Variants in ZZEF1 observed in about 807,000 individuals in gnomAD.
ZZEF1 encodes zinc finger ZZ-type and EF-hand domain containing 1, also known as zinc finger ZZ-type and EF-hand domain-containing protein 1.
A neutral mutation model predicts 342.8 loss-of-function variants in ZZEF1; 157 were observed. The ratio of observed to expected loss-of-function variants is 0.46; its 90% CI spans 0.40 to 0.52. The LOEUF is 0.52. Ranked by LOEUF, ZZEF1 falls within the 20% of genes least tolerant of loss-of-function variation. The pLI is 0.00. For missense variants in ZZEF1, 3,480 were observed against 3,725.6 expected, an observed-to-expected ratio of 0.93 and a Z score of 1.72; for synonymous variants, 1,505 against 1,429.1, an observed-to-expected ratio of 1.05 and a Z score of -1.20.
chr17:4,107,625 G>T (rs1375271839), intron 6 of ZZEF1, among the ~76,000 whole-genome samples: 1 of 152,236 alleles, frequency 6.6e-6, no homozygotes, highest in Non-Finnish European at 1.5e-5. Flanking sequence ...AATGGGATAG[G>T]GAGGGTGTCC....
Position 4,070,852 on chromosome 17 carries a change from A to T in ZZEF1, c.3907T>A (p.Phe1303Ile). The T allele has an allele frequency of 6.2e-7, 1 of 1,614,202 alleles. No individual in the cohort carries two copies. Among genetic ancestry groups the T allele is most frequent in the Non-Finnish European group, 8.5e-7 (1 of 1,180,042 alleles). Residue 1303 changes from phenylalanine to isoleucine, a missense_variant, in exon 26 of 55, where the codon TTC becomes ATC. By Grantham distance (21) the Phe-to-Ile change is conservative (BLOSUM62 0). Coordinates refer to ENST00000381638, the MANE Select transcript of ZZEF1 (RefSeq NM_015113.4). ...AAAAGTTCTGAATATGGCCCACAGAAGTTCTGAGCAGGCTCTGACTGGGCA... is the reference window on the plus strand; with the variant it reads ...AAAAGTTCTGAATATGGCCCACAGATGTTCTGAGCAGGCTCTGACTGGGCA... ...DFAQSEPAQN[F>I]CGPYSELFKG...
At chr17:4,073,054 A>G (rs1397223171) in intron 24 of ZZEF1, among the ~76,000 whole-genome samples, 1 of 152,266 alleles carries the variant, frequency 6.6e-6, no homozygotes, top group Non-Finnish European at 1.5e-5. Flanking sequence ...TCTGGCATAT[A>G]ACACGAGGCC....
intron 13 of ZZEF1, 146 bp downstream of exon 13, chr17:4,088,532 C>T (rs2057883102): frequency 1.2e-6 from 1 of 869,338 alleles, no homozygotes; most frequent in Admixed American, 2.5e-5. Flanking sequence ...GCTCACTTTC[C>T]TCAGCTTTTC....
At chr17:4,063,474 C>T (rs1433366430) in intron 29 of ZZEF1, among the ~76,000 whole-genome samples, 1 of 152,084 alleles carries the variant, frequency 6.6e-6, no homozygotes, top group African/African-American at 2.4e-5. Flanking sequence ...GTGGCAGCTA[C>T]CCAAAAAATG....
At chr17:4,136,436 T>C (rs968104336) in intron 1 of ZZEF1, among the ~76,000 whole-genome samples, 11 of 151,992 alleles carry the variant, frequency 7.2e-5, no homozygotes, top group African/African-American at 1.9e-4. Context: ...ACAACACTTA[T>C]TGAGCACTGA....
In ZZEF1 at chr17:4,116,175, C is replaced by T. The variant is rs145638563; in HGVS notation, c.694+797G>A. On this transcript the variant is annotated intron_variant, in intron 3 of 54. Coordinates refer to ENST00000381638, the MANE Select transcript of ZZEF1 (RefSeq NM_015113.4). ...CTCTACTAAAAATACAGAAATTAGC[C>T]GGGCGTGGTGGCACATGCCTGTAAT... 4.3e-3 allele frequency among the ~76,000 whole-genome samples: 647 copies of T among 152,170 alleles called. 8 individuals are homozygous for T. Among genetic ancestry groups the T allele is most frequent in the African/African-American group, 0.015 (605 of 41,508 alleles).
At chr17:4,011,173 G>A (rs866596480) in intron 52 of ZZEF1, among the ~76,000 whole-genome samples, 5 of 152,106 alleles carry the variant, frequency 3.3e-5, no homozygotes, top group Admixed American at 6.5e-5. Flanking sequence ...AGGCTAAGGT[G>A]GGGGGATTGC....
chr17:4,010,683 T>A (rs1243335956), intron 52 of ZZEF1, among the ~76,000 whole-genome samples: 13 of 118,626 alleles, frequency 1.1e-4, no homozygotes, highest in African/African-American at 4.0e-4. Context: ...TGAGATCACA[T>A]CACTGCACTT....
chr17:4,103,291 C>A (rs1222451292), intron 8 of ZZEF1, among the ~76,000 whole-genome samples: 1 of 151,966 alleles, frequency 6.6e-6, no homozygotes. Context: ...CCTGTAAATT[C>A]CAGCACTTTG....
chr17:4,013,329 G>C (rs1266738103), intron 52 of ZZEF1, 120 bp downstream of exon 52: 1 of 1,002,286 alleles, frequency 1.0e-6, no homozygotes, highest in Admixed American at 3.7e-5. Context: ...TGAAAAACTG[G>C]AAGACATTAA....
In ZZEF1 at chr17:4,047,856, A is replaced by G. The variant is rs1163508068; in HGVS notation, c.6015+1852T>C. 4.9e-3 allele frequency among the ~76,000 whole-genome samples: 602 copies of G among 122,778 alleles called. No homozygotes were observed. In the Middle Eastern group the frequency reaches 0.087, roughly 18 times the overall value. The allele number at this position is 122,778 out of a possible 152,430, so 80.5% of individuals were successfully genotyped here. On this transcript the variant is annotated intron_variant, in intron 37 of 54. Coordinates refer to ENST00000381638, the MANE Select transcript of ZZEF1 (RefSeq NM_015113.4). The stretch of plus-strand genomic sequence containing the variant: ...CTTGAGAGGCTGAGGTAGGAGGATC[A>G]TTGGAGCCCAGGAGGTGGAGGTTGC...
intron 42 of ZZEF1, among the ~76,000 whole-genome samples, chr17:4,031,223 G>T (rs1030517746): frequency 9.9e-5 from 15 of 152,064 alleles, no homozygotes; most frequent in Non-Finnish European, 1.9e-4. Context: ...GGCTGAGGCA[G>T]AAGAATCGCT....
intron 5 of ZZEF1, among the ~76,000 whole-genome samples, chr17:4,110,820 T>G (rs146280502): frequency 6.6e-6 from 1 of 151,472 alleles, no homozygotes; most frequent in African/African-American, 2.4e-5. Context: ...GTTCAAGTGA[T>G]TCTCCTGCCT....
rs765943024 is a variant in ZZEF1, at chr17:4,008,701, A to G, written c.8805+182T>C. 3.9e-5 allele frequency: 53 copies of G among 1,373,360 alleles called. No individual in the cohort carries two copies. The South Asian group carries it at 8.8e-4, about 23-fold the overall frequency. 85.1% of individuals were successfully genotyped at this position (1,373,360 alleles called of 1,614,324 possible). On this transcript the variant is annotated intron_variant, in intron 54 of 54. Transcript: ENST00000381638. This position sits in a 1 kb window ranked among gnomAD's most constrained non-coding sequence, Gnocchi z 4.2. ...AGTTTAGAGTGAATGACTCTGATAA[A>G]TGGGGCTCGTGCATGCTCTCTGAGC...
At chr17:4,058,476 CA>C (rs1326763178) in intron 31 of ZZEF1, among the ~76,000 whole-genome samples, 1 of 152,184 alleles carries the variant, frequency 6.6e-6, no homozygotes, top group East Asian at 1.9e-4. Context: ...CAAGGTTATG[CA>C]GTTTAGATTT....
intron 45 of ZZEF1, chr17:4,020,057 G>A (rs1338769988): frequency 6.9e-6 from 2 of 290,880 alleles, no homozygotes; most frequent in African/African-American, 4.5e-5. Context: ...TTACCACATC[G>A]TATTCACGGC....
chr17:4,138,355 G>A (rs867109345), intron 1 of ZZEF1, among the ~76,000 whole-genome samples: 1 of 152,020 alleles, frequency 6.6e-6, no homozygotes, highest in African/African-American at 2.4e-5. Context: ...ATATGAAGAC[G>A]AGCACAGGGC....
chr17:4,072,811 A>G (rs2057536784), intron 24 of ZZEF1, 55 bp from the exon 25 acceptor site: 1 of 1,489,808 alleles, frequency 6.7e-7, no homozygotes, highest in Non-Finnish European at 9.0e-7. Context: ...TATATTGAGA[A>G]TCTTTGAAAT....
intron 25 of ZZEF1, 40 bp from the exon 26 acceptor site, chr17:4,070,964 A>G (rs780991151): frequency 2.5e-6 from 4 of 1,588,072 alleles, no homozygotes; most frequent in South Asian, 1.1e-5. Context: ...TAACACATTC[A>G]TTCAAAAAAT....
Sources: gnomAD v4.1 joint callset for allele counts (sites outside exome capture counted in the v4.1 genomes callset) on GRCh38, gnomAD v4.1.1 for gene constraint, Gnocchi (gnomAD v3.1) non-coding constraint, MANE v1.5 for transcripts, NCBI Gene and HGNC (gene_info 2026-07-23, HGNC 2026-07-21) for gene names.